Variants in FOCAD observed in about 807,000 individuals in gnomAD.
FOCAD encodes focadhesin, also known as KIAA1797.
Under a neutral mutation model 225.6 loss-of-function variants are expected in FOCAD, and 198 were observed. The ratio of observed to expected loss-of-function variants is 0.88; its 90% CI spans 0.78 to 0.99. The LOEUF is 0.99. FOCAD is among the 50% of genes least tolerant of loss of function. FOCAD has a pLI of 0.00. For synonymous variants in FOCAD, 897 were observed against 755.0 expected (o/e 1.19, Z -3.08); for missense variants, 2,713 against 2,123.6 (o/e 1.28, Z -5.46).
intron 4 of FOCAD, among the ~76,000 whole-genome samples, chr9:20,723,237 C>T (rs1419021664): frequency 6.6e-6 from 1 of 152,118 alleles, no homozygotes; most frequent in African/African-American, 2.4e-5. Context: ...CCCGTAATCC[C>T]AATACTTCGG....
At chr9:20,942,701 A>G (rs564601684) in intron 28 of FOCAD, among the ~76,000 whole-genome samples, 47 of 152,204 alleles carry the variant, frequency 3.1e-4, no homozygotes, top group Non-Finnish European at 4.6e-4. Flanking sequence ...TACGCCAAGC[A>G]GTATACTAGG....
chr9:20,845,941 A>G (rs1186372742), intron 15 of FOCAD, among the ~76,000 whole-genome samples: 1 of 152,164 alleles, frequency 6.6e-6, no homozygotes, highest in Non-Finnish European at 1.5e-5. Context: ...ATGCATTGAA[A>G]TAAATGTGAA....
chr9:20,777,917 C>T (rs1007388697), intron 8 of FOCAD, among the ~76,000 whole-genome samples: 12 of 151,584 alleles, frequency 7.9e-5, no homozygotes, highest in South Asian at 4.2e-4. Context: ...GGTGAAACCC[C>T]GTCTCTACTA....
At chr9:20,761,124 G>C (rs1016879170) in intron 6 of FOCAD, among the ~76,000 whole-genome samples, 1 of 151,952 alleles carries the variant, frequency 6.6e-6, no homozygotes, top group Non-Finnish European at 1.5e-5. Flanking sequence ...TCCTGTCTCA[G>C]CCTTCTGAGT....
chr9:20,781,870 T>A lies in FOCAD; in HGVS notation c.1138T>A (p.Leu380Met), dbSNP rs781273760. ...TGAAGAAGGTCCCTCTAGGCAGCAG[T>A]TGGCTCTAAACCTTTTGGAAATGAT... is the stretch of plus-strand genomic sequence containing the variant. ...VDEEGPSRQQ[L>M]ALNLLEMIQQ... The change falls in exon 10 of 44, where the codon TTG becomes ATG. Residue 380 changes from leucine (L) to methionine (M), a missense_variant. By Grantham distance (15) the Leu-to-Met change is conservative. Transcript: ENST00000338382. The A allele has an allele frequency of 6.2e-7, 1 of 1,614,106 alleles. No homozygotes were observed. The highest frequency in any genetic ancestry group is 8.5e-7 in the Non-Finnish European group (1 of 1,179,974).
intron 15 of FOCAD, among the ~76,000 whole-genome samples, chr9:20,851,445 T>A (rs1024023442): frequency 8.6e-5 from 13 of 151,848 alleles, no homozygotes; most frequent in Non-Finnish European, 1.8e-4. Context: ...TTGACTGCTT[T>A]ATGGCAGCAA....
At chr9:20,737,716 T>C (rs964003943) in intron 4 of FOCAD, among the ~76,000 whole-genome samples, 2 of 152,172 alleles carry the variant, frequency 1.3e-5, no homozygotes, top group East Asian at 1.9e-4. Flanking sequence ...TTAGTGATGA[T>C]GAGATTGTAT....
chr9:20,929,588 G>T lies in FOCAD; in HGVS notation c.3309G>T (p.Glu1103Asp). Residue 1103 changes from glutamate to aspartate, a missense_variant, in exon 27 of 44, where the codon GAG (glutamate) becomes GAT (aspartate). Physicochemically the swap from Glu to Asp is conservative, Grantham distance 45 (BLOSUM62 2). Transcript: ENST00000338382. ...TGTTTCTCTCTCGCTTGTGTGAAGA[G>T]AAACTCAGGTACAGTTTATTAAAAT... ...LGMFLSRLCE[E>D]KLSDISGQEM... The T allele has an allele frequency of 1.2e-6, 2 of 1,613,548 alleles. No homozygotes were observed. Among genetic ancestry groups the T allele is most frequent in the Non-Finnish European group, 1.7e-6 (2 of 1,179,598 alleles).
At chr9:20,786,288 C>T (rs1219984087) in intron 10 of FOCAD, among the ~76,000 whole-genome samples, 1 of 152,116 alleles carries the variant, frequency 6.6e-6, no homozygotes, top group Non-Finnish European at 1.5e-5. Context: ...TTTTTTTAGA[C>T]TTCTGATTGG....
At chr9:20,926,647 G>A (rs1404106833) in intron 26 of FOCAD, among the ~76,000 whole-genome samples, 1 of 152,070 alleles carries the variant, frequency 6.6e-6, no homozygotes, top group Non-Finnish European at 1.5e-5. Flanking sequence ...GCCGGGCGTG[G>A]TGGCACATGC....
At chr9:20,965,184 G>T (rs1193598358) in intron 35 of FOCAD, among the ~76,000 whole-genome samples, 1 of 152,104 alleles carries the variant, frequency 6.6e-6, no homozygotes, top group Non-Finnish European at 1.5e-5. Context: ...AAATACCCTT[G>T]AATTTGGCTT....
intron 4 of FOCAD, among the ~76,000 whole-genome samples, chr9:20,727,517 TAG>T (rs1826302244): frequency 1.3e-5 from 2 of 152,202 alleles, no homozygotes; most frequent in Non-Finnish European, 2.9e-5. Context: ...TTACATCTCT[TAG>T]ATTTTATTTT....
intron 11 of FOCAD, among the ~76,000 whole-genome samples, chr9:20,809,136 A>G (rs1366632189): frequency 1.3e-5 from 2 of 152,208 alleles, no homozygotes; most frequent in African/African-American, 2.4e-5. Flanking sequence ...GCCGGTGTTC[A>G]CAGCATATCA....
intron 30 of FOCAD, among the ~76,000 whole-genome samples, 197 bp from the exon 31 acceptor site, chr9:20,948,074 G>T (rs1189149646): frequency 2.0e-5 from 3 of 151,550 alleles, no homozygotes; most frequent in Non-Finnish European, 4.4e-5. Context: ...AGACCCTGCA[G>T]TTTATGATGC....
chr9:20,666,302 T>C (rs1366958855), intron 2 of FOCAD, among the ~76,000 whole-genome samples: 1 of 152,068 alleles, frequency 6.6e-6, no homozygotes, highest in Non-Finnish European at 1.5e-5. Context: ...CTGGGTGCAG[T>C]GTCTTGCCCT....
chr9:20,962,443 C>T (rs1838836420), intron 35 of FOCAD, among the ~76,000 whole-genome samples: 1 of 151,794 alleles, frequency 6.6e-6, no homozygotes, highest in Non-Finnish European at 1.5e-5. Context: ...TACATACATA[C>T]ATACATACAT....
intron 30 of FOCAD, among the ~76,000 whole-genome samples, chr9:20,947,249 A>T (rs1837268420): frequency 6.6e-6 from 1 of 152,212 alleles, no homozygotes; most frequent in Non-Finnish European, 1.5e-5. Context: ...ATGTATAAGA[A>T]AATTTAAGTA....
At chr9:20,909,548 A>T (rs1325575183) in intron 22 of FOCAD, among the ~76,000 whole-genome samples, 2 of 152,122 alleles carry the variant, frequency 1.3e-5, no homozygotes, top group Non-Finnish European at 2.9e-5. Context: ...TTCTGCTATT[A>T]AGGTGATGGT....
intron 6 of FOCAD, among the ~76,000 whole-genome samples, chr9:20,761,486 T>G (rs1312554679): frequency 6.6e-6 from 1 of 152,092 alleles, no homozygotes; most frequent in Admixed American, 6.5e-5. Flanking sequence ...AGTGGTGCAA[T>G]CTCGGCTCAT....
Sources: allele counts gnomAD v4.1 joint callset (sites outside exome capture counted in the v4.1 genomes callset), GRCh38; gene constraint gnomAD v4.1.1; transcripts MANE v1.5; gene names NCBI Gene and HGNC (gene_info 2026-07-23, HGNC 2026-07-21).